The following PRDM16 variants were observed in gnomAD, a reference collection of about 807,000 sequenced individuals.
PRDM16 encodes PR/SET domain 16, also known as histone-lysine N-methyltransferase PRDM16.
PRDM16 carries 23 observed loss-of-function variants against 110.6 expected under a neutral mutation model. That is an observed-to-expected ratio of 0.21 (90% CI 0.15 to 0.29). The LOEUF (loss-of-function observed/expected upper bound fraction) is 0.29, where lower values mean the gene tolerates loss of function less well. PRDM16 is among the 10% of genes least tolerant of loss of function. The probability of loss-of-function intolerance (pLI) is 1.00; values close to 1 mark genes in which losing one functional copy is unlikely to be tolerated. For synonymous variants in PRDM16, 799 were observed against 781.8 expected (o/e 1.02, Z -0.37); for missense variants, 1,615 against 1,794.3 (o/e 0.90, Z 1.81).
At chr1:3,136,293 G>A (rs1030959433) in intron 1 of PRDM16, among the ~76,000 whole-genome samples, 1 of 152,198 alleles carries the variant, frequency 6.6e-6, no homozygotes, top group Non-Finnish European at 1.5e-5. Flanking sequence ...CCGGGGTCTC[G>A]GCGAGGCACG....
intron 3 of PRDM16, among the ~76,000 whole-genome samples, chr1:3,253,692 A>G (rs929939195): frequency 5.3e-5 from 8 of 152,214 alleles, no homozygotes; most frequent in Admixed American, 3.9e-4. Context: ...TCTTTATGGT[A>G]GCATGATTTA....
At chr1:3,282,005 G>A (rs1033819881) in intron 3 of PRDM16, among the ~76,000 whole-genome samples, 1 of 152,224 alleles carries the variant, frequency 6.6e-6, no homozygotes, top group Non-Finnish European at 1.5e-5. Flanking sequence ...GCCTTGGGCT[G>A]CAGTCAGGTC....
intron 8 of PRDM16, among the ~76,000 whole-genome samples, chr1:3,409,944 G>A (rs1643651417): frequency 7.5e-6 from 1 of 132,934 alleles, no homozygotes; most frequent in Non-Finnish European, 1.6e-5. Flanking sequence ...TGTGTGGTGT[G>A]GGTGTGTGTG....
chr1:3,370,618 G>T lies in PRDM16; in HGVS notation c.439-14534G>T, dbSNP rs1557637864. ...GCTAAGAAGGGCAGGGACTGTGAGA[G>T]TGTCTGAGAGGAGCCTCACCCTGAT... On this transcript the variant is annotated intron_variant, in intron 3 of 16. Transcript: ENST00000270722. This position sits in a 1 kb window ranked among gnomAD's most constrained non-coding sequence, Gnocchi z 4.8. 1.3e-5 allele frequency among the ~76,000 whole-genome samples: 2 copies of T among 152,166 alleles called. No homozygotes were observed. Among genetic ancestry groups the T allele is most frequent in the Admixed American group, 1.3e-4 (2 of 15,288 alleles).
chr1:3,356,898 G>A (rs1007185156), intron 3 of PRDM16, among the ~76,000 whole-genome samples: 18 of 152,164 alleles, frequency 1.2e-4, no homozygotes, highest in Non-Finnish European at 2.4e-4. Flanking sequence ...CCCGGATCCC[G>A]GCAGCGGGAG....
chr1:3,119,829 T>C (rs1217329385), intron 1 of PRDM16, among the ~76,000 whole-genome samples: 1 of 152,174 alleles, frequency 6.6e-6, no homozygotes, highest in Non-Finnish European at 1.5e-5. Context: ...CGCCGGATTG[T>C]CCCCTGCTCA....
Position 3,080,554 on chromosome 1 carries a change from T to A in PRDM16, c.37+11258T>A, listed in dbSNP as rs865880627. ...ATTTGGCATGACTTTAAAAATAAGATCTACTAAGATATGCTGGGTGGTGTC... is the reference window on the plus strand; with the variant it reads ...ATTTGGCATGACTTTAAAAATAAGAACTACTAAGATATGCTGGGTGGTGTC... On this transcript the variant is annotated intron_variant, in intron 1 of 16. Transcript: ENST00000270722. This position sits in a 1 kb window ranked among gnomAD's most constrained non-coding sequence, Gnocchi z 5.2. Among the ~76,000 whole-genome samples, 20 of 152,260 alleles carry A rather than the reference T, an allele frequency of 1.3e-4. No individual in the cohort carries two copies. The Middle Eastern group carries it at 0.014, about 104-fold the overall frequency.
At position 3,438,218 on chromosome 1, in the gene PRDM16, G is replaced by A. The variant is rs751141292; in HGVS notation, c.*4407G>A. On this transcript the variant is annotated 3_prime_UTR_variant, in exon 17 of 17. Transcript: ENST00000270722. Reference sequence around the variant, plus strand: ...AAACTGTGCATGACTCCTGCTTAGCGGTCATTATCGTGTCTGTTGGTGAAA... The same window carrying A: ...AAACTGTGCATGACTCCTGCTTAGCAGTCATTATCGTGTCTGTTGGTGAAA... 17 of 203,312 alleles carry A rather than the reference G, an allele frequency of 8.4e-5. No homozygotes were observed. Among genetic ancestry groups the A allele is most frequent in the Middle Eastern group, 1.6e-3 (1 of 628 alleles). 12.6% of individuals were successfully genotyped at this position (203,312 alleles called of 1,614,324 possible). A position where few individuals can be genotyped will look rare whatever the true frequency, so the allele number is the denominator to read the frequency against.
At chr1:3,404,707 G>C in intron 6 of PRDM16, 32 bp from the exon 7 acceptor site, 1 of 1,609,760 alleles carries the variant, frequency 6.2e-7, no homozygotes, top group Non-Finnish European at 8.5e-7. Context: ...GCAGGTAGTC[G>C]GGCCCCGCAG....
intron 1 of PRDM16, among the ~76,000 whole-genome samples, chr1:3,070,766 C>T (rs2100506249): frequency 6.6e-6 from 1 of 152,292 alleles, no homozygotes; most frequent in South Asian, 2.1e-4. Context: ...ACAGCTGCCC[C>T]GCGGCCGTAG....
Position 3,435,638 on chromosome 1 carries a change from C to T in PRDM16, c.*1827C>T, listed in dbSNP as rs12040065. 2,732 of 233,010 alleles carry T rather than the reference C, an allele frequency of 0.012. 58 individuals carry two copies. The highest frequency in any genetic ancestry group is 0.061 in the East Asian group (1,011 of 16,546). 14.4% of individuals were successfully genotyped at this position (233,010 alleles called of 1,614,324 possible). On this transcript the variant is annotated 3_prime_UTR_variant, in exon 17 of 17. Coordinates refer to ENST00000270722, the MANE Select transcript of PRDM16 (RefSeq NM_022114.4). ...AAATACAAACAGGAGTGGTGCAAGC[C>T]GCCTTGGTGTGGGTTTGTGTCACGT... is the stretch of plus-strand genomic sequence containing the variant.
chr1:3,404,599 G>A (rs1643528094), intron 6 of PRDM16, 140 bp from the exon 7 acceptor site: 1 of 1,027,438 alleles, frequency 9.7e-7, no homozygotes, highest in Non-Finnish European at 1.4e-6. Context: ...TGGGCAGGGA[G>A]ACACCAGCAT....
At chr1:3,103,524 G>A (rs1007941232) in intron 1 of PRDM16, among the ~76,000 whole-genome samples, 2 of 152,178 alleles carry the variant, frequency 1.3e-5, no homozygotes, top group African/African-American at 2.4e-5. Flanking sequence ...TCTTTGTTCC[G>A]GGTCTCTGAG....
intron 3 of PRDM16, among the ~76,000 whole-genome samples, chr1:3,356,401 C>G (rs751450519): frequency 6.6e-6 from 1 of 152,212 alleles, no homozygotes; most frequent in Non-Finnish European, 1.5e-5. Context: ...AGGTCCGACG[C>G]CGTGTCCACA....
rs78662553 is a variant in PRDM16 at position 3,339,146 on chromosome 1, T to G, written c.439-46006T>G. ...CCGCCTTTCCGGGTGCTCAGAGGCA[T>G]CTCCTGCTCTCTCCTTCTGGAGGGC... On this transcript the variant is annotated intron_variant, in intron 3 of 16. Coordinates refer to ENST00000270722, the MANE Select transcript of PRDM16 (RefSeq NM_022114.4). This position sits in a 1 kb window ranked among gnomAD's most constrained non-coding sequence, Gnocchi z 5.0. 8.3e-3 allele frequency among the ~76,000 whole-genome samples: 1,262 copies of G among 152,220 alleles called. 49 individuals carry two copies. Among genetic ancestry groups the G allele is most frequent in the East Asian group, 0.079 (406 of 5,160 alleles).
chr1:3,109,153 T>TC (rs1172909545), intron 1 of PRDM16, among the ~76,000 whole-genome samples: 3 of 151,942 alleles, frequency 2.0e-5, no homozygotes, highest in Admixed American at 2.0e-4. Context: ...AACAGGTGTG[T>TC]CCCATGCAGC....
chr1:3,116,378 C>T (rs905131072), intron 1 of PRDM16, among the ~76,000 whole-genome samples: 6 of 152,256 alleles, frequency 3.9e-5, no homozygotes, highest in Middle Eastern at 3.4e-3. Flanking sequence ...GGGGGGGACG[C>T]GGGTTCACGG....
rs1488583770 is a variant in PRDM16, at chr1:3,359,895, C to T, written c.439-25257C>T. On this transcript the variant is annotated intron_variant, in intron 3 of 16. Transcript: ENST00000270722. This position sits in a 1 kb window ranked among gnomAD's most constrained non-coding sequence, Gnocchi z 4.3. The stretch of plus-strand genomic sequence containing the variant: ...TCCATGTGCAGGATCTCTTGGAAGA[C>T]GGATGCCGTGTGCACGCAAAGACGG... Among the ~76,000 whole-genome samples, 6 of 139,648 alleles carry T rather than the reference C, an allele frequency of 4.3e-5. No individual in the cohort carries two copies. Among genetic ancestry groups the T allele is most frequent in the East Asian group, 3.9e-4 (2 of 5,176 alleles). 91.6% of individuals were successfully genotyped at this position (139,648 alleles called of 152,430 possible). A position where few individuals can be genotyped will look rare whatever the true frequency, so the allele number is the denominator to read the frequency against.
In PRDM16 at chr1:3,412,793, A is replaced by T; in HGVS notation, c.2596A>T (p.Ile866Phe). ...AKPSPFFMDPIYSRVEKRKVT... is the reference protein window; with the variant it reads ...AKPSPFFMDPFYSRVEKRKVT... The stretch of plus-strand genomic sequence containing the variant: ...GCCCTCGCCCTTCTTCATGGACCCC[A>T]TCTACAGGTATTCAGCACCCCAGCC... The change falls in exon 9 of 17, where the codon ATC becomes TTC. Residue 866 changes from isoleucine to phenylalanine, a missense_variant. Around this residue, in one of 5 missense-constraint regions of PRDM16, gnomAD observed 772 missense variants for 748.3 expected, o/e 1.03. Transcript: ENST00000270722. 3.4e-6 allele frequency: 5 copies of T among 1,459,594 alleles called. No individual in the cohort carries two copies. The highest frequency in any genetic ancestry group is 4.5e-6 in the Non-Finnish European group (5 of 1,106,182). The allele number at this position is 1,459,594 out of a possible 1,614,324, so 90.4% of individuals were successfully genotyped here.
Sources: allele counts gnomAD v4.1 joint callset (sites outside exome capture counted in the v4.1 genomes callset), GRCh38; gene constraint gnomAD v4.1.1; regional missense constraint gnomAD v4.1.1; non-coding constraint Gnocchi (gnomAD v3.1); transcripts MANE v1.5; gene names NCBI Gene and HGNC (gene_info 2026-07-23, HGNC 2026-07-21).